Variants in EIF4G3 observed in about 807,000 individuals in gnomAD.
EIF4G3 encodes the protein eukaryotic translation initiation factor 4 gamma 3.
In EIF4G3, 34 loss-of-function variants were observed where a neutral mutation model predicts 186.4. The observed-to-expected ratio is 0.18, with a 90% CI of 0.14 to 0.24. The LOEUF is 0.24. Among genes scored for constraint, EIF4G3 ranks in the 10% least tolerant of loss-of-function variants. EIF4G3 has a pLI of 1.00. For synonymous variants in EIF4G3, 673 were observed against 679.5 expected, an observed-to-expected ratio of 0.99 and a Z score of 0.15; for missense variants, 1,536 against 1,948.5, an observed-to-expected ratio of 0.79 and a Z score of 3.99.
chr1:20,922,546 C>T (rs12075322), intron 14 of EIF4G3, among the ~76,000 whole-genome samples: 1 of 152,230 alleles, frequency 6.6e-6, no homozygotes, highest in African/African-American at 2.4e-5. Context: ...ATCCGCCCGC[C>T]TGGGCCTCCC....
chr1:20,997,350 A>T (rs1181128865), intron 7 of EIF4G3, among the ~76,000 whole-genome samples: 4 of 135,018 alleles, frequency 3.0e-5, no homozygotes, highest in African/African-American at 1.0e-4. Context: ...TTTAAAAACA[A>T]TGCTTGGCAA....
intron 14 of EIF4G3, among the ~76,000 whole-genome samples, chr1:20,919,638 A>C (rs746067751): frequency 2.0e-5 from 3 of 152,170 alleles, no homozygotes; most frequent in African/African-American, 7.2e-5. Context: ...TAAGGCAAGG[A>C]AAAGTCTTTT....
chr1:21,038,181 G>C (rs1557651937), intron 4 of EIF4G3, among the ~76,000 whole-genome samples: 1 of 152,090 alleles, frequency 6.6e-6, no homozygotes. Context: ...TTGATCACAG[G>C]CTACTTGTGT....
intron 14 of EIF4G3, among the ~76,000 whole-genome samples, chr1:20,924,189 G>A (rs2094697474): frequency 6.6e-6 from 1 of 152,078 alleles, no homozygotes; most frequent in Admixed American, 6.6e-5. Flanking sequence ...ATTTTAACAT[G>A]ACATTTTAGA....
rs187099877 is a variant in EIF4G3 at position 20,997,752 on chromosome 1, A to G, written c.145-119T>C. The G allele has an allele frequency of 4.7e-5, 34 of 722,938 alleles. No individual in the cohort carries two copies. The East Asian group carries it at 8.8e-4, about 19-fold the overall frequency. 44.8% of individuals were successfully genotyped at this position (722,938 alleles called of 1,614,324 possible). ...GAAAAAAAACCCACAGTGGGGAAATAAAAAACAACACACAAAACAGTCAAA... is the reference window on the plus strand; with the variant it reads ...GAAAAAAAACCCACAGTGGGGAAATGAAAAACAACACACAAAACAGTCAAA... On this transcript the variant is annotated intron_variant, in intron 6 of 36. Coordinates refer to ENST00000602326, the MANE Select transcript of EIF4G3 (RefSeq NM_001391906.1).
rs140783234 is a variant in EIF4G3 at position 21,097,343 on chromosome 1, G to A, written c.-271-8130C>T. Among the ~76,000 whole-genome samples, 578 of 152,262 alleles carry A rather than the reference G, an allele frequency of 3.8e-3. 10 individuals carry two copies. The highest frequency in any genetic ancestry group is 0.03 in the Admixed American group (458 of 15,280). Reference sequence around the variant, plus strand: ...TAGGTATCCCTAGGAAAAAGGACACGCAGTCATCCACAGCATCTTCAACTT... The same window carrying A: ...TAGGTATCCCTAGGAAAAAGGACACACAGTCATCCACAGCATCTTCAACTT... On this transcript the variant is annotated intron_variant, in intron 2 of 36. Coordinates refer to ENST00000602326, the MANE Select transcript of EIF4G3 (RefSeq NM_001391906.1).
At chr1:21,174,859 T>G (rs1223365302) in intron 2 of EIF4G3, 3 of 152,138 alleles carry the variant, frequency 2.0e-5, no homozygotes, top group Non-Finnish European at 4.4e-5. Flanking sequence ...TGCACCGCGG[T>G]GCCTGGATTG....
At chr1:21,085,705 TTTTTC>T in intron 3 of EIF4G3, among the ~76,000 whole-genome samples, 2 of 152,192 alleles carry the variant, frequency 1.3e-5, no homozygotes, top group East Asian at 3.9e-4. Context: ...CCAAAGGTTA[TTTTTC>T]TTTTCTTTTG....
At chr1:21,012,929 C>A (rs749894457) in intron 4 of EIF4G3, among the ~76,000 whole-genome samples, 1 of 152,052 alleles carries the variant, frequency 6.6e-6, no homozygotes, top group Non-Finnish European at 1.5e-5. Flanking sequence ...AACCCGCCTC[C>A]GAACACACAT....
At chr1:21,129,895 T>C (rs1572996013) in intron 2 of EIF4G3, among the ~76,000 whole-genome samples, 1 of 151,070 alleles carries the variant, frequency 6.6e-6, no homozygotes. Context: ...AGAGGGGAGG[T>C]AACACTGACA....
At chr1:21,154,983 C>T (rs1199798173) in intron 2 of EIF4G3, among the ~76,000 whole-genome samples, 3 of 152,038 alleles carry the variant, frequency 2.0e-5, no homozygotes, top group Admixed American at 6.6e-5. Flanking sequence ...TATAGGCCAG[C>T]GGGGCACAGT....
Position 20,849,525 on chromosome 1 carries a change from GT to G in EIF4G3, c.3777del (p.Lys1259AsnfsTer47). The G allele has an allele frequency of 6.6e-7, 1 of 1,518,428 alleles. No individual in the cohort carries two copies. The highest frequency in any genetic ancestry group is 8.8e-7 in the Non-Finnish European group (1 of 1,137,164). 94.1% of individuals were successfully genotyped at this position (1,518,428 alleles called of 1,614,324 possible). On this transcript the variant is annotated frameshift_variant, in exon 29 of 37. Coordinates refer to ENST00000602326, the MANE Select transcript of EIF4G3 (RefSeq NM_001391906.1). LOFTEE classifies it high-confidence loss of function. ...AERNKTRESA[K>X]PEISAMSAHD... ...TGAGCTGACATTGCTGAAATTTCTGGTTTTGCTATTAGTGAGGCCCCCCAAA... is the reference window on the plus strand; with the variant it reads ...TGAGCTGACATTGCTGAAATTTCTGGTTTGCTATTAGTGAGGCCCCCCAAA...
At chr1:20,973,999 C>T (rs1405197165) in intron 10 of EIF4G3, among the ~76,000 whole-genome samples, 1 of 152,066 alleles carries the variant, frequency 6.6e-6, no homozygotes, top group Non-Finnish European at 1.5e-5. Context: ...AAAGAAGACT[C>T]AAGGAAAACT....
At chr1:20,841,718 G>T (rs1404765304) in intron 29 of EIF4G3, among the ~76,000 whole-genome samples, 3 of 152,234 alleles carry the variant, frequency 2.0e-5, no homozygotes. Context: ...TCTTTGGTCT[G>T]AAGGGTGAAA....
intron 34 of EIF4G3, among the ~76,000 whole-genome samples, chr1:20,815,618 C>T (rs76870707): frequency 0.027 from 4,081 of 150,974 alleles, 60 homozygotes; most frequent in Middle Eastern, 0.045. Flanking sequence ...GGAGCCTCTC[C>T]GCCCGGCAGC....
intron 27 of EIF4G3, among the ~76,000 whole-genome samples, chr1:20,852,900 C>T (rs568274854): frequency 6.6e-6 from 1 of 152,050 alleles, no homozygotes; most frequent in South Asian, 2.1e-4. Context: ...TAATAAAAAG[C>T]CTGATGGGAG....
At chr1:21,118,673 CT>C (rs1324572534) in intron 2 of EIF4G3, among the ~76,000 whole-genome samples, 1 of 151,568 alleles carries the variant, frequency 6.6e-6, no homozygotes, top group African/African-American at 2.4e-5. Context: ...GTAATCCCAG[CT>C]ACTTGGGAGG....
chr1:20,849,010 G>A (rs934664242), intron 29 of EIF4G3, among the ~76,000 whole-genome samples: 6 of 119,932 alleles, frequency 5.0e-5, no homozygotes, highest in Non-Finnish European at 9.5e-5. Flanking sequence ...TCGTGCCACT[G>A]CACTCCAGCC....
intron 3 of EIF4G3, among the ~76,000 whole-genome samples, chr1:21,055,704 G>T (rs2094531657): frequency 1.3e-5 from 2 of 151,938 alleles, no homozygotes; most frequent in Non-Finnish European, 2.9e-5. Flanking sequence ...TATATCCAGT[G>T]CATTTCATAT....
Sources: allele counts gnomAD v4.1 joint callset (sites outside exome capture counted in the v4.1 genomes callset), GRCh38; gene constraint gnomAD v4.1.1; transcripts MANE v1.5; gene names NCBI Gene and HGNC (gene_info 2026-07-23, HGNC 2026-07-21).